CHRM2: variants seen among roughly 807,000 people sequenced by gnomAD.
The protein encoded by CHRM2 is cholinergic receptor muscarinic 2.
A neutral mutation model predicts 25.0 loss-of-function variants in CHRM2; 8 were observed. The ratio of observed to expected loss-of-function variants is 0.32; its 90% CI spans 0.19 to 0.58. The LOEUF (loss-of-function observed/expected upper bound fraction) is 0.58, where lower values mean the gene tolerates loss of function less well. Ranked by LOEUF, CHRM2 falls within the 20% of genes least tolerant of loss-of-function variation. The pLI is 0.88. For missense variants in CHRM2, 440 were observed against 567.1 expected, an observed-to-expected ratio of 0.78 and a Z score of 2.28; for synonymous variants, 202 against 205.7, an observed-to-expected ratio of 0.98 and a Z score of 0.15.
chr7:136,959,221 T>C, intron 2 of CHRM2, among the ~76,000 whole-genome samples: 1 of 152,228 alleles, frequency 6.6e-6, no homozygotes, highest in African/African-American at 2.4e-5. Flanking sequence ...CACCAATAAA[T>C]CTATATACTT....
At chr7:136,890,438 A>G (rs548796228) in intron 2 of CHRM2, among the ~76,000 whole-genome samples, 2 of 152,366 alleles carry the variant, frequency 1.3e-5, no homozygotes, top group African/African-American at 2.4e-5. Flanking sequence ...CAAATTAAGT[A>G]GTTTTCCTTT....
intron 2 of CHRM2, among the ~76,000 whole-genome samples, chr7:136,957,255 A>ATGTGTG (rs10606389): frequency 3.1e-4 from 47 of 151,188 alleles, no homozygotes; most frequent in African/African-American, 9.9e-4. Flanking sequence ...CATAGTGTAT[A>ATGTGTG]TGTGTGTGTG....
intron 2 of CHRM2, among the ~76,000 whole-genome samples, chr7:136,943,251 T>A (rs1287983315): frequency 1.3e-5 from 2 of 152,168 alleles, no homozygotes; most frequent in Non-Finnish European, 2.9e-5. Context: ...ACTGAATAAA[T>A]CTATCACCTC....
At chr7:136,973,723 T>C (rs1458474593) in intron 2 of CHRM2, among the ~76,000 whole-genome samples, 2 of 151,842 alleles carry the variant, frequency 1.3e-5, no homozygotes, top group Non-Finnish European at 2.9e-5. Flanking sequence ...GGGATGATGG[T>C]AGGAATTGTT....
At chr7:136,920,633 A>G (rs1584758113) in intron 2 of CHRM2, among the ~76,000 whole-genome samples, 1 of 152,150 alleles carries the variant, frequency 6.6e-6, no homozygotes, top group Non-Finnish European at 1.5e-5. Context: ...CACCCTAAGC[A>G]TGTGTAAACC....
chr7:136,979,021 G>A (rs975706987), intron 2 of CHRM2, among the ~76,000 whole-genome samples: 3 of 152,114 alleles, frequency 2.0e-5, no homozygotes, highest in Non-Finnish European at 4.4e-5. Context: ...TTGAGGAATT[G>A]CCACACTGCC....
intron 2 of CHRM2, among the ~76,000 whole-genome samples, chr7:136,882,960 C>A (rs1024050654): frequency 2.6e-5 from 4 of 151,922 alleles, no homozygotes; most frequent in African/African-American, 7.3e-5. Context: ...TTACTTGACC[C>A]AATGTAAAAG....
intron 2 of CHRM2, among the ~76,000 whole-genome samples, chr7:136,930,898 CAAAAAAA>C (rs57705639): frequency 3.9e-4 from 24 of 61,150 alleles, no homozygotes; most frequent in African/African-American, 4.8e-4. Context: ...CTCATTCTCT[CAAAAAAA>C]AAAAAAAAAA....
chr7:137,018,987 G>A lies in CHRM2; in HGVS notation c.*2721G>A, dbSNP rs1009464461. 6.6e-6 allele frequency: 1 copy of A among 151,874 alleles called. No homozygotes were observed. Among genetic ancestry groups the A allele is most frequent in the Non-Finnish European group, 1.5e-5 (1 of 67,896 alleles). 9.4% of individuals were successfully genotyped at this position (151,874 alleles called of 1,614,324 possible). A position where few individuals can be genotyped will look rare whatever the true frequency, so the allele number is the denominator to read the frequency against. On this transcript the variant is annotated 3_prime_UTR_variant, in exon 4 of 4. Coordinates refer to ENST00000680005, the MANE Select transcript of CHRM2 (RefSeq NM_001006630.2). ...TAAAGACATTTTTGGTTGCCACACT[G>A]GGAGGAATGCTATTGGTATCTAGTG...
intron 2 of CHRM2, among the ~76,000 whole-genome samples, chr7:136,944,472 T>C (rs1584798739): frequency 2.5e-5 from 2 of 81,476 alleles, no homozygotes; most frequent in East Asian, 4.8e-4. Flanking sequence ...TGTATGTATG[T>C]ATGTGTGTGT....
At chr7:136,926,378 A>G (rs1471302358) in intron 2 of CHRM2, among the ~76,000 whole-genome samples, 1 of 152,234 alleles carries the variant, frequency 6.6e-6, no homozygotes, top group East Asian at 1.9e-4. Flanking sequence ...ACTGCTGCCC[A>G]TAGAAAGGTA....
chr7:136,998,881 T>C (rs1584900953), intron 3 of CHRM2, among the ~76,000 whole-genome samples: 1 of 151,882 alleles, frequency 6.6e-6, no homozygotes, highest in Non-Finnish European at 1.5e-5. Context: ...AAAGAAAACA[T>C]GTGCACATAG....
At chr7:136,918,582 T>C (rs1386710418) in intron 2 of CHRM2, among the ~76,000 whole-genome samples, 1 of 151,834 alleles carries the variant, frequency 6.6e-6, no homozygotes, top group Non-Finnish European at 1.5e-5. Context: ...TTTAAAAAAA[T>C]ATTTATTTAT....
intron 3 of CHRM2, among the ~76,000 whole-genome samples, chr7:137,009,339 A>C (rs2131102907): frequency 6.6e-6 from 1 of 152,264 alleles, no homozygotes; most frequent in East Asian, 1.9e-4. Flanking sequence ...GTGAATACTT[A>C]CATGGGAATC....
intron 2 of CHRM2, among the ~76,000 whole-genome samples, chr7:136,932,101 AAAT>A (rs1338513426): frequency 6.6e-6 from 1 of 152,234 alleles, no homozygotes; most frequent in Non-Finnish European, 1.5e-5. Flanking sequence ...ACAAAAACAA[AAAT>A]AATAATCTGA....
chr7:136,933,072 T>A (rs921710085), intron 2 of CHRM2, among the ~76,000 whole-genome samples: 1 of 150,836 alleles, frequency 6.6e-6, no homozygotes, highest in African/African-American at 2.5e-5. Flanking sequence ...ATAATTTTTT[T>A]AAATAGATAA....
intron 2 of CHRM2, among the ~76,000 whole-genome samples, chr7:136,984,087 T>C (rs765853898): frequency 3.9e-5 from 6 of 152,154 alleles, no homozygotes; most frequent in Non-Finnish European, 8.8e-5. Context: ...GGGAATTTTA[T>C]CTATAACCCC....
intron 2 of CHRM2, among the ~76,000 whole-genome samples, chr7:136,906,291 A>C (rs1797544358): frequency 6.6e-6 from 1 of 150,960 alleles, no homozygotes. Flanking sequence ...TGGAATAAAA[A>C]CAAATGTGTG....
chr7:136,945,237 A>G (rs1039593201), intron 2 of CHRM2, among the ~76,000 whole-genome samples: 6 of 151,924 alleles, frequency 3.9e-5, no homozygotes, highest in African/African-American at 1.4e-4. Flanking sequence ...AGTTTAATTA[A>G]GTCCAATCTA....
Sources: gnomAD v4.1 joint callset for allele counts (sites outside exome capture counted in the v4.1 genomes callset) on GRCh38, gnomAD v4.1.1 for gene constraint, MANE v1.5 for transcripts, NCBI Gene and HGNC (gene_info 2026-07-23, HGNC 2026-07-21) for gene names.